Variants in DPP10 observed in about 807,000 individuals in gnomAD.
The protein encoded by DPP10 is inactive dipeptidyl peptidase 10.
In DPP10, 33 loss-of-function variants were observed where a neutral mutation model predicts 120.9. That is an observed-to-expected ratio of 0.27 (90% CI 0.21 to 0.37). The LOEUF is 0.37. DPP10 is among the 10% of genes least tolerant of loss of function. The pLI is 1.00. For missense variants in DPP10, 816 were observed against 942.8 expected, an observed-to-expected ratio of 0.87 and a Z score of 1.76; for synonymous variants, 337 against 326.1, an observed-to-expected ratio of 1.03 and a Z score of -0.36.
chr2:115,268,059 T>C (rs990073142), intron 1 of DPP10, among the ~76,000 whole-genome samples: 5 of 152,220 alleles, frequency 3.3e-5, no homozygotes, highest in East Asian at 1.9e-4. Flanking sequence ...ACTTTATTGA[T>C]GTTGTTTAAT....
intron 1 of DPP10, among the ~76,000 whole-genome samples, chr2:115,211,665 G>A (rs1296638849): frequency 1.3e-5 from 2 of 151,568 alleles, no homozygotes; most frequent in African/African-American, 2.4e-5. Context: ...AGATGCTAAC[G>A]GTCCTTTTTT....
At chr2:114,534,303 C>G (rs769001093) in intron 1 of DPP10, among the ~76,000 whole-genome samples, 7 of 151,962 alleles carry the variant, frequency 4.6e-5, no homozygotes, top group Non-Finnish European at 1.0e-4. Flanking sequence ...TTCTGTTTGT[C>G]CTTTGGGTCT....
intron 3 of DPP10, among the ~76,000 whole-genome samples, chr2:115,463,514 G>A (rs2074116799): frequency 6.6e-6 from 1 of 152,126 alleles, no homozygotes; most frequent in South Asian, 2.1e-4. Context: ...AATATATAGA[G>A]TGTTACATAA....
chr2:115,341,174 T>A (rs1356298420), intron 2 of DPP10, among the ~76,000 whole-genome samples: 1 of 152,198 alleles, frequency 6.6e-6, no homozygotes, highest in East Asian at 1.9e-4. Flanking sequence ...CTTATCCTTT[T>A]ATCGCAAATG....
At chr2:114,651,636 G>C (rs143233957) in intron 1 of DPP10, among the ~76,000 whole-genome samples, 1 of 152,028 alleles carries the variant, frequency 6.6e-6, no homozygotes, top group African/African-American at 2.4e-5. Flanking sequence ...TCCTAGAAAC[G>C]GTTAATTAAG....
At chr2:115,640,838 C>G (rs1219322746) in intron 5 of DPP10, among the ~76,000 whole-genome samples, 1 of 152,126 alleles carries the variant, frequency 6.6e-6, no homozygotes, top group Admixed American at 6.6e-5. Flanking sequence ...TCTGCAGGAG[C>G]TGATCATTAT....
chr2:114,941,353 C>A (rs2104568037), intron 1 of DPP10, among the ~76,000 whole-genome samples: 1 of 152,182 alleles, frequency 6.6e-6, no homozygotes, highest in East Asian at 1.9e-4. Context: ...AATTGGATAC[C>A]ATTCAGTTCT....
chr2:114,738,316 G>T (rs755975555), intron 1 of DPP10, among the ~76,000 whole-genome samples: 2 of 152,222 alleles, frequency 1.3e-5, no homozygotes, highest in Non-Finnish European at 2.9e-5. Flanking sequence ...CATAGCTAGA[G>T]GCCTTTCTCG....
chr2:115,176,297 T>A (rs1167016454), intron 1 of DPP10, among the ~76,000 whole-genome samples: 1 of 147,802 alleles, frequency 6.8e-6, no homozygotes, highest in Non-Finnish European at 1.5e-5. Context: ...TATATTTATA[T>A]ATAAATATAT....
At chr2:115,564,771 C>G (rs1457839919) in intron 5 of DPP10, among the ~76,000 whole-genome samples, 2 of 152,124 alleles carry the variant, frequency 1.3e-5, no homozygotes, top group African/African-American at 4.8e-5. Context: ...AAAATATTGA[C>G]ATTTTTCTCT....
intron 3 of DPP10, 75 bp from the exon 4 acceptor site, chr2:115,499,435 C>A: frequency 8.5e-7 from 1 of 1,182,600 alleles, no homozygotes; most frequent in Non-Finnish European, 1.2e-6. Context: ...GTTTATTTTG[C>A]ACGTTTTCTC....
At chr2:115,656,480 C>T (rs1488689263) in intron 5 of DPP10, among the ~76,000 whole-genome samples, 19 of 151,406 alleles carry the variant, frequency 1.3e-4, no homozygotes, top group Non-Finnish European at 1.5e-5. Context: ...TCTCTTCCCC[C>T]TTTTTAACTT....
chr2:115,707,926 A>C (rs1285741251), intron 7 of DPP10, among the ~76,000 whole-genome samples: 2 of 151,970 alleles, frequency 1.3e-5, no homozygotes, highest in Non-Finnish European at 1.5e-5. Context: ...ATTACTTTTA[A>C]CATAGCATAT....
chr2:115,417,422 G>T (rs1467043128), intron 3 of DPP10, among the ~76,000 whole-genome samples: 1 of 152,084 alleles, frequency 6.6e-6, no homozygotes, highest in Non-Finnish European at 1.5e-5. Flanking sequence ...TTAGAAGGGG[G>T]TTATCTTATA....
chr2:115,581,883 A>C (rs987079236), intron 5 of DPP10, among the ~76,000 whole-genome samples: 1 of 152,186 alleles, frequency 6.6e-6, no homozygotes, highest in South Asian at 2.1e-4. Context: ...ATATGCATCT[A>C]GAGGCGTTAC....
At chr2:115,616,911 C>A (rs1377017357) in intron 5 of DPP10, among the ~76,000 whole-genome samples, 1 of 152,028 alleles carries the variant, frequency 6.6e-6, no homozygotes, top group Non-Finnish European at 1.5e-5. Context: ...CTACTGGAAA[C>A]CACCGTTGAA....
At chr2:115,408,236 A>G (rs1286395967) in intron 3 of DPP10, among the ~76,000 whole-genome samples, 3 of 152,128 alleles carry the variant, frequency 2.0e-5, no homozygotes, top group African/African-American at 7.2e-5. Context: ...GAACTTTCCC[A>G]GGAACAGGAG....
chr2:114,681,072 A>C (rs1324266367), intron 1 of DPP10, among the ~76,000 whole-genome samples: 1 of 151,968 alleles, frequency 6.6e-6, no homozygotes, highest in Non-Finnish European at 1.5e-5. Context: ...ATCCTACCCA[A>C]TTCTGCTCCA....
At chr2:115,384,471 A>AGAAGGAAGAAGAAG (rs1415121038) in intron 3 of DPP10, among the ~76,000 whole-genome samples, 2 of 13,958 alleles carry the variant, frequency 1.4e-4, no homozygotes, top group Non-Finnish European at 4.5e-4. Context: ...AGAAGAAGGA[A>AGAAGGAAGAAGAAG]GAAGAAGGAA....
Sources: allele counts gnomAD v4.1 joint callset (sites outside exome capture counted in the v4.1 genomes callset), GRCh38; gene constraint gnomAD v4.1.1; transcripts MANE v1.5; gene names NCBI Gene and HGNC (gene_info 2026-07-23, HGNC 2026-07-21).